TSC22D2: variants seen among roughly 807,000 people sequenced by gnomAD.
TSC22D2 encodes the protein TSC22 domain family protein 2.
TSC22D2 carries 5 observed loss-of-function variants against 50.1 expected under a neutral mutation model. That is an observed-to-expected ratio of 0.10 (90% CI 0.05 to 0.21). The LOEUF (loss-of-function observed/expected upper bound fraction) is 0.21. TSC22D2 is among the 10% of genes least tolerant of loss of function. The probability of loss-of-function intolerance (pLI) is 1.00; values close to 1 mark genes in which losing one functional copy is unlikely to be tolerated. For missense variants in TSC22D2, 1,003 were observed against 1,015.5 expected, an observed-to-expected ratio of 0.99 and a Z score of 0.17; for synonymous variants, 501 against 450.1, an observed-to-expected ratio of 1.11 and a Z score of -1.43.
In TSC22D2 at chr3:150,463,891, A is replaced by G. The variant is rs1393831230; in HGVS notation, c.*5255A>G. The G allele has an allele frequency of 1.3e-5, 2 of 152,076 alleles. No individual in the cohort carries two copies. Among genetic ancestry groups the G allele is most frequent in the Admixed American group, 6.6e-5 (1 of 15,264 alleles). The allele number at this position is 152,076 out of a possible 1,614,324, so 9.4% of individuals were successfully genotyped here. A position where few individuals can be genotyped will look rare whatever the true frequency, so the allele number is the denominator to read the frequency against. The stretch of plus-strand genomic sequence containing the variant: ...CCTGGATGGTGAGTGAGTTAGCTTT[A>G]TTTTTCATTCTCAGCAGGGAAACTG... On this transcript the variant is annotated 3_prime_UTR_variant, in exon 3 of 3. Transcript: ENST00000688009.
chr3:150,451,950 T>C (rs1450443090), intron 1 of TSC22D2, among the ~76,000 whole-genome samples: 3 of 152,082 alleles, frequency 2.0e-5, no homozygotes, highest in Non-Finnish European at 2.9e-5. Context: ...CCTGAGCTCC[T>C]GGGCTCAAGC....
In TSC22D2 at chr3:150,410,081, G is replaced by C. The variant is rs753817175; in HGVS notation, c.731G>C (p.Ser244Thr). The C allele has an allele frequency of 2.5e-6, 4 of 1,612,900 alleles. No individual in the cohort carries two copies. The highest frequency in any genetic ancestry group is 2.2e-5 in the South Asian group (2 of 91,090). Residue 244 changes from serine (S) to threonine (T), a missense_variant, in exon 1 of 3, where the codon AGC (serine) becomes ACC (threonine). Transcript: ENST00000688009. Reference sequence around the variant, plus strand: ...CACGGGCCCGAGTCGGGAACTGACAGCTCCTTGACTGCTGTGTCACAGCTA... The same window carrying C: ...CACGGGCCCGAGTCGGGAACTGACACCTCCTTGACTGCTGTGTCACAGCTA... ...GAHGPESGTD[S>T]SLTAVSQLPP...
In TSC22D2 at chr3:150,461,043, G is replaced by A. The variant is rs1428973248; in HGVS notation, c.*2407G>A. On this transcript the variant is annotated 3_prime_UTR_variant, in exon 3 of 3. Coordinates refer to ENST00000688009, the MANE Select transcript of TSC22D2 (RefSeq NM_001303264.2). The stretch of plus-strand genomic sequence containing the variant: ...TGCAAATTAATGTTTTTGGCGAATT[G>A]TAATAAGTGTCCTAAGTAGCAGGAC... 1 of 152,152 alleles carries A rather than the reference G, an allele frequency of 6.6e-6. No individual in the cohort carries two copies. The highest frequency in any genetic ancestry group is 2.4e-5 in the African/African-American group (1 of 41,438). The allele number at this position is 152,152 out of a possible 1,614,324, so 9.4% of individuals were successfully genotyped here. A position where few individuals can be genotyped will look rare whatever the true frequency, so the allele number is the denominator to read the frequency against.
intron 1 of TSC22D2, among the ~76,000 whole-genome samples, chr3:150,420,737 G>A (rs1045809648): frequency 1.3e-5 from 2 of 152,238 alleles, no homozygotes; most frequent in African/African-American, 4.8e-5. Flanking sequence ...CCTGGAATAT[G>A]AATTTGATTC....
intron 1 of TSC22D2, among the ~76,000 whole-genome samples, chr3:150,426,371 G>A (rs1366478707): frequency 6.6e-6 from 1 of 152,138 alleles, no homozygotes; most frequent in Non-Finnish European, 1.5e-5. Flanking sequence ...ACTTGGCATT[G>A]CTTTGTTAAA....
intron 1 of TSC22D2, among the ~76,000 whole-genome samples, chr3:150,412,215 A>G (rs753522898): frequency 6.1e-4 from 93 of 152,146 alleles, no homozygotes; most frequent in Non-Finnish European, 8.2e-4. Flanking sequence ...TCACATGTAA[A>G]TTTGACATAC....
At chr3:150,424,412 A>G (rs968932991) in intron 1 of TSC22D2, among the ~76,000 whole-genome samples, 11 of 152,164 alleles carry the variant, frequency 7.2e-5, no homozygotes, top group African/African-American at 2.7e-4. Context: ...TTTCAAAAGT[A>G]TGATGATTTA....
chr3:150,435,468 C>A (rs1239735840), intron 1 of TSC22D2, among the ~76,000 whole-genome samples: 2 of 152,068 alleles, frequency 1.3e-5, no homozygotes. Flanking sequence ...CTGTTTCCCC[C>A]CTTTCTCCAT....
intron 1 of TSC22D2, among the ~76,000 whole-genome samples, chr3:150,442,162 T>TC (rs988678355): frequency 6.6e-6 from 1 of 152,092 alleles, no homozygotes. Context: ...ATCTTTTTTT[T>TC]CTCCACCCAA....
At chr3:150,456,186 T>G (rs993258656) in intron 1 of TSC22D2, among the ~76,000 whole-genome samples, 27 of 146,722 alleles carry the variant, frequency 1.8e-4, no homozygotes, top group Non-Finnish European at 2.4e-4. Context: ...TTTTGTTTTT[T>G]TTTTTTTTGT....
intron 1 of TSC22D2, among the ~76,000 whole-genome samples, chr3:150,456,490 A>G (rs1357312682): frequency 1.3e-5 from 2 of 152,014 alleles, no homozygotes; most frequent in African/African-American, 2.4e-5. Flanking sequence ...GCCCGGCTGA[A>G]TGTTGAGTTT....
At chr3:150,435,103 G>A (rs1560086563) in intron 1 of TSC22D2, among the ~76,000 whole-genome samples, 2 of 151,866 alleles carry the variant, frequency 1.3e-5, no homozygotes, top group African/African-American at 2.4e-5. Flanking sequence ...TCAGCCTCCC[G>A]AGTAGCTGGG....
At chr3:150,434,156 T>TG (rs935738431) in intron 1 of TSC22D2, among the ~76,000 whole-genome samples, 4 of 151,522 alleles carry the variant, frequency 2.6e-5, no homozygotes, top group African/African-American at 9.7e-5. Flanking sequence ...TTTTTTGTTT[T>TG]TTTTTTTTTT....
rs1721442051 is a variant in TSC22D2, at chr3:150,462,417, C to T, written c.*3781C>T. 1 of 148,960 alleles carries T rather than the reference C, an allele frequency of 6.7e-6. No homozygotes were observed. The allele number at this position is 148,960 out of a possible 1,614,324, so 9.2% of individuals were successfully genotyped here. A position where few individuals can be genotyped will look rare whatever the true frequency, so the allele number is the denominator to read the frequency against. ...TGCTGGATGTGCACAATTCCAGTGG[C>T]AGATGGGAGGTAGGTTAGAGTAGCT... On this transcript the variant is annotated 3_prime_UTR_variant, in exon 3 of 3. Coordinates refer to ENST00000688009, the MANE Select transcript of TSC22D2 (RefSeq NM_001303264.2).
At chr3:150,425,322 C>T (rs963386472) in intron 1 of TSC22D2, among the ~76,000 whole-genome samples, 6 of 152,084 alleles carry the variant, frequency 3.9e-5, no homozygotes, top group South Asian at 2.1e-4. Context: ...GTCAGAAGTT[C>T]GAGACCAGCC....
At chr3:150,458,084 G>A (rs1721249349) in intron 2 of TSC22D2, among the ~76,000 whole-genome samples, 1 of 151,506 alleles carries the variant, frequency 6.6e-6, no homozygotes, top group Non-Finnish European at 1.5e-5. Flanking sequence ...TTTTAAGCAT[G>A]TGATTTTAAA....
At chr3:150,417,011 G>C (rs1285334562) in intron 1 of TSC22D2, among the ~76,000 whole-genome samples, 3 of 152,112 alleles carry the variant, frequency 2.0e-5, no homozygotes, top group Non-Finnish European at 4.4e-5. Flanking sequence ...TGTGATGTTA[G>C]TGAAAGTTCT....
At chr3:150,454,111 G>A (rs377278726) in intron 1 of TSC22D2, among the ~76,000 whole-genome samples, 7 of 152,124 alleles carry the variant, frequency 4.6e-5, no homozygotes, top group South Asian at 2.1e-4. Flanking sequence ...AAAAGTTTGC[G>A]AAGATTGGTA....
Position 150,460,048 on chromosome 3 carries a change from GTGTA to G in TSC22D2, c.*1416_*1419del, listed in dbSNP as rs1559853879. 6.6e-6 allele frequency: 1 copy of G among 152,064 alleles called. No homozygotes were observed. The highest frequency in any genetic ancestry group is 2.4e-5 in the African/African-American group (1 of 41,404). 9.4% of individuals were successfully genotyped at this position (152,064 alleles called of 1,614,324 possible). The stretch of plus-strand genomic sequence containing the variant: ...CATTTTGTGTATACTAACACATTAA[GTGTA>G]TGTCAGAAATTGATGTATAAATATA... On this transcript the variant is annotated 3_prime_UTR_variant, in exon 3 of 3. Coordinates refer to ENST00000688009, the MANE Select transcript of TSC22D2 (RefSeq NM_001303264.2).
Sources: gnomAD v4.1 joint callset for allele counts (sites outside exome capture counted in the v4.1 genomes callset) on GRCh38, gnomAD v4.1.1 for gene constraint, MANE v1.5 for transcripts, NCBI Gene and HGNC (gene_info 2026-07-23, HGNC 2026-07-21) for gene names.